The following BARX2 variants were observed in gnomAD, a reference collection of about 807,000 sequenced individuals.
BARX2 encodes BARX homeobox 2.
In BARX2, 11 loss-of-function variants were observed where a neutral mutation model predicts 25.5. The ratio of observed to expected loss-of-function variants is 0.43; its 90% confidence interval spans 0.27 to 0.71. The LOEUF is 0.71. Ranked by LOEUF, BARX2 falls within the 30% of genes least tolerant of loss-of-function variation. BARX2 has a pLI of 0.19. For synonymous variants in BARX2, 137 were observed against 149.5 expected, an observed-to-expected ratio of 0.92 and a Z score of 0.61; for missense variants, 360 against 359.9, an observed-to-expected ratio of 1.00 and a Z score of 0.00.
chr11:129,431,070 C>G lies in BARX2; in HGVS notation c.188-5681C>G, dbSNP rs578069620. ...AGAGACAGGGTTTCGCCATGTTGGC[C>G]AGGCTGGTCTCAAAGTCCTGGCCTC... On this transcript the variant is annotated intron_variant, in intron 1 of 3. Transcript: ENST00000281437. Among the ~76,000 whole-genome samples the G allele has an allele frequency of 2.0e-5, 3 of 152,254 alleles. No homozygotes were observed. In the East Asian group the frequency reaches 5.8e-4, roughly 29 times the overall value.
chr11:129,446,301 C>A (rs1862328013), intron 3 of BARX2, among the ~76,000 whole-genome samples: 1 of 152,130 alleles, frequency 6.6e-6, no homozygotes, highest in African/African-American at 2.4e-5. Flanking sequence ...ATTGCGTGGG[C>A]CCCACACTAT....
intron 1 of BARX2, among the ~76,000 whole-genome samples, chr11:129,391,290 A>G (rs1209606961): frequency 1.3e-5 from 2 of 152,194 alleles, no homozygotes; most frequent in African/African-American, 4.8e-5. Context: ...TGTGAAAATT[A>G]TGTGAAATTC....
intron 1 of BARX2, among the ~76,000 whole-genome samples, chr11:129,396,855 G>A (rs899685325): frequency 6.6e-6 from 1 of 152,118 alleles, no homozygotes; most frequent in African/African-American, 2.4e-5. Flanking sequence ...AGAAAGACTG[G>A]TGGAGTTACC....
chr11:129,433,915 G>A (rs1172561479), intron 1 of BARX2, among the ~76,000 whole-genome samples: 1 of 152,080 alleles, frequency 6.6e-6, no homozygotes, highest in Non-Finnish European at 1.5e-5. Flanking sequence ...TATAGTATTC[G>A]TTGCTATCTC....
At chr11:129,388,754 G>A (rs1025210334) in intron 1 of BARX2, among the ~76,000 whole-genome samples, 2 of 152,122 alleles carry the variant, frequency 1.3e-5, no homozygotes, top group African/African-American at 4.8e-5. Context: ...TCAACTCTGG[G>A]AACCACAATA....
Position 129,444,606 on chromosome 11 carries a change from A to T in BARX2, c.573+1687A>T, listed in dbSNP as rs191043865. ...GTCAGAGAAACAAGGCCCAGGAGGT[A>T]GCTGCCGAGCATGTTATAATTAAGT... On this transcript the variant is annotated intron_variant, in intron 3 of 3. Transcript: ENST00000281437. Among the ~76,000 whole-genome samples, 4 of 152,236 alleles carry T rather than the reference A, an allele frequency of 2.6e-5. No individual in the cohort carries two copies. The South Asian group carries it at 6.2e-4, about 24-fold the overall frequency.
rs1272570625 is a variant in BARX2 at position 129,375,942 on chromosome 11, G to GGCCCAGGCCCCGCCGTCGC, written c.-90_-72dup. ...CCGCCTCCCCAGCTGCCGGGAGCGGGGCCCAGGCCCCGCCGTCGCGCCAGC... is the reference window on the plus strand; with the variant it reads ...CCGCCTCCCCAGCTGCCGGGAGCGGGGCCCAGGCCCCGCCGTCGCGCCCAGGCCCCGCCGTCGCGCCAGC... On this transcript the variant is annotated 5_prime_UTR_variant, in exon 1 of 4. Coordinates refer to ENST00000281437, the MANE Select transcript of BARX2 (RefSeq NM_003658.5). This position sits in a 1 kb window ranked among gnomAD's most constrained non-coding sequence, Gnocchi z 4.0. 1.3e-6 allele frequency: 1 copy of GGCCCAGGCCCCGCCGTCGC among 748,332 alleles called. No homozygotes were observed. Among genetic ancestry groups the GGCCCAGGCCCCGCCGTCGC allele is most frequent in the Non-Finnish European group, 1.6e-6 (1 of 612,410 alleles). The allele number at this position is 748,332 out of a possible 1,614,324, so 46.4% of individuals were successfully genotyped here.
At chr11:129,431,533 A>G (rs1427581792) in intron 1 of BARX2, among the ~76,000 whole-genome samples, 1 of 152,130 alleles carries the variant, frequency 6.6e-6, no homozygotes, top group Non-Finnish European at 1.5e-5. Context: ...TTTAATTTGC[A>G]TTTCCTTCAT....
intron 1 of BARX2, among the ~76,000 whole-genome samples, chr11:129,377,832 G>A (rs1325655288): frequency 6.6e-6 from 1 of 152,232 alleles, no homozygotes; most frequent in African/African-American, 2.4e-5. Flanking sequence ...AGAATTTTCA[G>A]TGACTTTGTG....
At chr11:129,426,237 C>T (rs1268293378) in intron 1 of BARX2, among the ~76,000 whole-genome samples, 3 of 152,108 alleles carry the variant, frequency 2.0e-5, no homozygotes, top group Admixed American at 6.5e-5. Flanking sequence ...CTCTCCTAGG[C>T]TTACAGATTA....
intron 1 of BARX2, among the ~76,000 whole-genome samples, chr11:129,416,879 T>G (rs2066492622): frequency 1.3e-5 from 2 of 151,136 alleles, no homozygotes; most frequent in African/African-American, 4.9e-5. Flanking sequence ...GTCTTTGTTT[T>G]TTTTTTTTTT....
chr11:129,447,040 T>C (rs1862338938), intron 3 of BARX2, among the ~76,000 whole-genome samples: 1 of 152,174 alleles, frequency 6.6e-6, no homozygotes. Flanking sequence ...TACATATCCC[T>C]CGCGCATTAT....
chr11:129,432,792 G>A (rs1033624194), intron 1 of BARX2, among the ~76,000 whole-genome samples: 15 of 152,152 alleles, frequency 9.9e-5, no homozygotes, highest in East Asian at 3.9e-4. Flanking sequence ...AAAAAGATAC[G>A]CACCTGTGCA....
chr11:129,451,326 C>G lies in BARX2; in HGVS notation c.764C>G (p.Pro255Arg), dbSNP rs775305099. The G allele has an allele frequency of 6.2e-7, 1 of 1,614,184 alleles. No individual in the cohort carries two copies. Among genetic ancestry groups the G allele is most frequent in the Non-Finnish European group, 8.5e-7 (1 of 1,180,034 alleles). ...CAGGAACCGAAAGCACGTGATGTCC[C>G]CTTAGAGATGGCAGAGCCACCAGAC... ...EAQEPKARDV[P>R]LEMAEPPDPP... The change falls in exon 4 of 4, where the codon CCC (proline) becomes CGC (arginine). Residue 255 changes from proline (P) to arginine (R), a missense_variant. Transcript: ENST00000281437.
At chr11:129,437,539 C>T (rs1862206397) in intron 2 of BARX2, 1 of 983,888 alleles carries the variant, frequency 1.0e-6, no homozygotes, top group Non-Finnish European at 1.2e-6. Context: ...TTGAGGAGGT[C>T]AGACATGTTA....
chr11:129,407,484 A>G (rs190394103), intron 1 of BARX2, among the ~76,000 whole-genome samples: 25 of 152,246 alleles, frequency 1.6e-4, no homozygotes, highest in Admixed American at 2.6e-4. Context: ...TGGACATAAC[A>G]CTTTATGCAC....
At chr11:129,387,447 ATG>A (rs1479381122) in intron 1 of BARX2, among the ~76,000 whole-genome samples, 17 of 152,186 alleles carry the variant, frequency 1.1e-4, no homozygotes, top group Non-Finnish European at 2.2e-4. Context: ...TAAATTTTAA[ATG>A]TGTTTCACTG....
At chr11:129,385,551 C>A (rs10894033) in intron 1 of BARX2, among the ~76,000 whole-genome samples, 41,255 of 152,028 alleles carry the variant, frequency 0.27, 6,862 homozygotes, top group Middle Eastern at 0.42. Context: ...TTGATACTTA[C>A]TGTCTGATAC....
In BARX2 at chr11:129,390,303, G is replaced by A. The variant is rs1372584597; in HGVS notation, c.187+14081G>A. On this transcript the variant is annotated intron_variant, in intron 1 of 3. Transcript: ENST00000281437. This position sits in a 1 kb window ranked among gnomAD's most constrained non-coding sequence, Gnocchi z 4.3. ...GACAGGTGGATGTGTCATCACCACTGAGACGGAGTGGCATGTATTTATGAA... is the reference window on the plus strand; with the variant it reads ...GACAGGTGGATGTGTCATCACCACTAAGACGGAGTGGCATGTATTTATGAA... Among the ~76,000 whole-genome samples, 2 of 152,162 alleles carry A rather than the reference G, an allele frequency of 1.3e-5. No homozygotes were observed. Among genetic ancestry groups the A allele is most frequent in the East Asian group, 3.9e-4 (2 of 5,190 alleles).
Sources: allele counts gnomAD v4.1 joint callset (sites outside exome capture counted in the v4.1 genomes callset), GRCh38; gene constraint gnomAD v4.1.1; non-coding constraint Gnocchi (gnomAD v3.1); transcripts MANE v1.5; gene names NCBI Gene and HGNC (gene_info 2026-07-23, HGNC 2026-07-21).